The following SLC22A7 variants were observed in gnomAD, a reference collection of about 807,000 sequenced individuals.
SLC22A7 encodes hOAT2.
SLC22A7 carries 48 observed loss-of-function variants against 62.2 expected under a neutral mutation model. That is an observed-to-expected ratio of 0.77 (90% CI 0.61 to 0.98). The LOEUF (loss-of-function observed/expected upper bound fraction) is 0.98, where lower values mean the gene tolerates loss of function less well. Among genes scored for constraint, SLC22A7 ranks in the 50% least tolerant of loss-of-function variants. The pLI, the probability that SLC22A7 is intolerant of heterozygous loss-of-function variation, is 0.00. For synonymous variants in SLC22A7, 276 were observed against 314.8 expected, an observed-to-expected ratio of 0.88 and a Z score of 1.30; for missense variants, 581 against 703.8, an observed-to-expected ratio of 0.83 and a Z score of 1.97.
At chr6:43,296,289 A>G (rs982849913), upstream of SLC22A7, among the ~76,000 whole-genome samples, 12 of 152,236 alleles carry the variant, frequency 7.9e-5, no homozygotes, top group Non-Finnish European at 1.8e-4. Flanking sequence ...GCTATTTCTG[A>G]TATTAAAGCA....
intron 5 of SLC22A7, among the ~76,000 whole-genome samples, chr6:43,300,847 G>A (rs1473730525): frequency 6.6e-6 from 1 of 152,120 alleles, no homozygotes; most frequent in Non-Finnish European, 1.5e-5. Flanking sequence ...ATGATGCCCA[G>A]GCTGATCTTG....
rs1210476227 is a variant in SLC22A7 at position 43,299,199 on chromosome 6, A to G, written c.399+102A>G. The stretch of plus-strand genomic sequence containing the variant: ...TTCCTTGGGAAGAAGCTGAGGCTGC[A>G]GGACTGGGGAGGGACAAAGTTTCCT... On this transcript the variant is annotated intron_variant, in intron 2 of 10. Transcript: ENST00000372585. The surrounding 1 kb of genome is among the most constrained non-coding windows in gnomAD (Gnocchi z 4.4). The G allele has an allele frequency of 1.9e-6, 3 of 1,614,062 alleles. No homozygotes were observed. Among genetic ancestry groups the G allele is most frequent in the Non-Finnish European group, 1.7e-6 (2 of 1,179,964 alleles).
At position 43,299,943 on chromosome 6, in the gene SLC22A7, T is replaced by C; in HGVS notation, c.704T>C (p.Leu235Pro). Residue 235 changes from leucine (L) to proline (P), a missense_variant, in exon 5 of 11, where the codon CTG (leucine) becomes CCG (proline). Leu to Pro is a moderately conservative substitution (Grantham distance 98). Transcript: ENST00000372585. The surrounding 1 kb of genome is among the most constrained non-coding windows in gnomAD (Gnocchi z 4.4). ...DVEHRTVAGV[L>P]SSTFWTGGVM... ...GAGCACCGCACCGTGGCTGGAGTCCTGAGCAGCACCTTCTGGACAGGGGGC... is the reference window on the plus strand; with the variant it reads ...GAGCACCGCACCGTGGCTGGAGTCCCGAGCAGCACCTTCTGGACAGGGGGC... The C allele has an allele frequency of 6.2e-7, 1 of 1,614,176 alleles. No homozygotes were observed. The highest frequency in any genetic ancestry group is 1.3e-5 in the African/African-American group (1 of 75,028).
chr6:43,303,897 C>T (rs767532888), intron 9 of SLC22A7, 141 bp from the exon 10 acceptor site: 7 of 676,066 alleles, frequency 1.0e-5, no homozygotes, highest in East Asian at 3.0e-5. Flanking sequence ...GGAAGACCAA[C>T]TGAAAGAAGT....
rs539249674 is a variant in SLC22A7 at position 43,301,154 on chromosome 6, C to A, written c.847C>A (p.Arg283Ser). Residue 283 changes from arginine to serine, a missense_variant, in exon 6 of 11, where the codon CGC (arginine) becomes AGC (serine). Transcript: ENST00000372585. ...TCCTAGGTGGGTGCCTGAGTCTGCA[C>A]GCTGGCTTCTGACCCAAGGCCATGT... The part of the protein sequence containing the change: ...LSLWWVPESA[R>S]WLLTQGHVKE... 3.7e-5 allele frequency: 60 copies of A among 1,614,148 alleles called. 1 individual carries two copies. The South Asian group carries it at 4.9e-4, about 13-fold the overall frequency.
chr6:43,301,341 AC>A, intron 6 of SLC22A7, 83 bp downstream of exon 6: 1 of 1,578,752 alleles, frequency 6.3e-7, no homozygotes, highest in African/African-American at 1.3e-5. Context: ...CCCAGAGCCC[AC>A]CATATATGGC....
Position 43,301,579 on chromosome 6 carries a change from C to A in SLC22A7, c.952-4C>A, listed in dbSNP as rs756938137. 1 of 1,611,328 alleles carries A rather than the reference C, an allele frequency of 6.2e-7. No homozygotes were observed. The highest frequency in any genetic ancestry group is 1.7e-5 in the Admixed American group (1 of 60,014). On this transcript the variant is annotated splice_region_variant and splice_polypyrimidine_tract_variant and intron_variant, in intron 6 of 10. Coordinates refer to ENST00000372585, the MANE Select transcript of SLC22A7 (RefSeq NM_153320.2). Reference sequence around the variant, plus strand: ...TGTTACAACCTCACCTCCTTCCCTACCAGGCTGTGAGCAAAGTGGCCGCCG... The same window carrying A: ...TGTTACAACCTCACCTCCTTCCCTAACAGGCTGTGAGCAAAGTGGCCGCCG...
chr6:43,303,299 A>G (rs1386127888), intron 9 of SLC22A7: 1 of 259,010 alleles, frequency 3.9e-6, no homozygotes, highest in Non-Finnish European at 6.0e-6. Flanking sequence ...TGTCTCTGCT[A>G]AACATACAAA....
chr6:43,302,585 C>A lies in SLC22A7; in HGVS notation c.1277-70C>A. 7.7e-7 allele frequency: 1 copy of A among 1,295,670 alleles called. No individual in the cohort carries two copies. The highest frequency in any genetic ancestry group is 2.5e-5 in the East Asian group (1 of 39,966). 80.3% of individuals were successfully genotyped at this position (1,295,670 alleles called of 1,614,324 possible). A position where few individuals can be genotyped will look rare whatever the true frequency, so the allele number is the denominator to read the frequency against. ...TAAGTTTGGCCCACTCTGGAGACTC[C>A]GCACCCTATCCAGAACACCCCTGGC... On this transcript the variant is annotated intron_variant, in intron 8 of 10. Coordinates refer to ENST00000372585, the MANE Select transcript of SLC22A7 (RefSeq NM_153320.2). The surrounding 1 kb of genome is among the most constrained non-coding windows in gnomAD (Gnocchi z 5.0).
In SLC22A7 at chr6:43,299,721, A is replaced by G. The variant is rs780297832; in HGVS notation, c.598A>G (p.Ile200Val). 1.1e-5 allele frequency: 18 copies of G among 1,614,050 alleles called. No individual in the cohort carries two copies. The Admixed American group carries it at 2.8e-4, about 25-fold the overall frequency. The change falls in exon 4 of 11, where the codon ATC becomes GTC. Residue 200 changes from isoleucine to valine, a missense_variant. Transcript: ENST00000372585. This position sits in a 1 kb window ranked among gnomAD's most constrained non-coding sequence, Gnocchi z 4.4. ...AASVSYVMFAITRTLTGSALA... is the reference protein window; with the variant it reads ...AASVSYVMFAVTRTLTGSALA... ...CTCCGTCAGCTATGTAATGTTTGCC[A>G]TCACCCGCACCCTTACTGGCTCAGC...
At position 43,305,451 on chromosome 6, in the gene SLC22A7, C is replaced by T. The variant is rs1389754253; in HGVS notation, c.*726C>T. 1 of 326,094 alleles carries T rather than the reference C, an allele frequency of 3.1e-6. No individual in the cohort carries two copies. The allele number at this position is 326,094 out of a possible 1,614,324, so 20.2% of individuals were successfully genotyped here. A position where few individuals can be genotyped will look rare whatever the true frequency, so the allele number is the denominator to read the frequency against. On this transcript the variant is annotated 3_prime_UTR_variant, in exon 11 of 11. Transcript: ENST00000372585. ...CATCCTCCAACCCACTGGTCTCATGCCCAAAGAAGAGTTGAAGGCATGGGA... is the reference window on the plus strand; with the variant it reads ...CATCCTCCAACCCACTGGTCTCATGTCCAAAGAAGAGTTGAAGGCATGGGA...
intron 9 of SLC22A7, among the ~76,000 whole-genome samples, chr6:43,303,574 C>T (rs1384282643): frequency 6.6e-6 from 1 of 152,146 alleles, no homozygotes; most frequent in Non-Finnish European, 1.5e-5. Context: ...GGCAGAGATG[C>T]CCTTGAGGAC....
At position 43,299,470 on chromosome 6, in the gene SLC22A7, G is replaced by A. The variant is rs73630539; in HGVS notation, c.480G>A (p.Val160=). The change falls in exon 3 of 11, where the codon GTG becomes GTA. Residue 160 remains valine, a synonymous_variant. Coordinates refer to ENST00000372585, the MANE Select transcript of SLC22A7 (RefSeq NM_153320.2). This position sits in a 1 kb window ranked among gnomAD's most constrained non-coding sequence, Gnocchi z 4.4. The part of the protein sequence containing the change: ...FFFAGVLVGA[V]AFGYLSDRFG... ...TCGCCGGTGTGCTGGTGGGGGCTGT[G>A]GCCTTTGGATATCTGTCCGACAGGT... 66 of 1,613,274 alleles carry A rather than the reference G, an allele frequency of 4.1e-5. No homozygotes were observed. In the African/African-American group the frequency reaches 7.5e-4, roughly 18 times the overall value.
Position 43,302,187 on chromosome 6 carries a change from A to G in SLC22A7, c.1062-13A>G, listed in dbSNP as rs199742466. The stretch of plus-strand genomic sequence containing the variant: ...AAGGAGGGTCCGCCAAGTGGCACTG[A>G]GACTCCTTTCAGGTTCGGAGTGAAC... On this transcript the variant is annotated splice_polypyrimidine_tract_variant and intron_variant, in intron 7 of 10. Transcript: ENST00000372585. The surrounding 1 kb of genome is among the most constrained non-coding windows in gnomAD (Gnocchi z 5.0). The G allele has an allele frequency of 2.2e-5, 34 of 1,553,122 alleles. No individual in the cohort carries two copies. The highest frequency in any genetic ancestry group is 3.0e-5 in the Non-Finnish European group (34 of 1,143,582).
At chr6:43,300,789 C>T (rs1434416842) in intron 5 of SLC22A7, among the ~76,000 whole-genome samples, 2 of 152,152 alleles carry the variant, frequency 1.3e-5, no homozygotes, top group Non-Finnish European at 2.9e-5. Flanking sequence ...TGCCACCACA[C>T]CCAGCTAATA....
At chr6:43,303,156 C>T (rs1317124046) in intron 9 of SLC22A7, 3 of 985,250 alleles carry the variant, frequency 3.0e-6, no homozygotes, top group African/African-American at 3.5e-5. Flanking sequence ...CCTCTCTGGG[C>T]CTCCTTAAGA....
upstream of SLC22A7, among the ~76,000 whole-genome samples, chr6:43,296,305 G>A (rs908559493): frequency 1.6e-4 from 24 of 152,358 alleles, no homozygotes; most frequent in East Asian, 1.9e-4. Context: ...AAGCAGGAGA[G>A]AAATTCCCAT....
Position 43,298,614 on chromosome 6 carries a change from C to A in SLC22A7, c.256C>A (p.Pro86Thr). 6.2e-7 allele frequency: 1 copy of A among 1,605,702 alleles called. No individual in the cohort carries two copies. Among genetic ancestry groups the A allele is most frequent in the African/African-American group, 1.3e-5 (1 of 74,994 alleles). ...TLSSCLRFAY[P>T]QALPNTTLGE... ...CAGCTCCTGCCTCCGCTTTGCCTATCCCCAGGCTCTCCCCAACACCACGTT... is the reference window on the plus strand; with the variant it reads ...CAGCTCCTGCCTCCGCTTTGCCTATACCCAGGCTCTCCCCAACACCACGTT... The change falls in exon 1 of 11, where the codon CCC becomes ACC. Residue 86 changes from proline (P) to threonine (T), a missense_variant. Physicochemically the swap from Pro to Thr is conservative, Grantham distance 38 (BLOSUM62 -1). Coordinates refer to ENST00000372585, the MANE Select transcript of SLC22A7 (RefSeq NM_153320.2).
In SLC22A7 at chr6:43,301,172, G is replaced by A; in HGVS notation, c.865G>A (p.Gly289Ser). Residue 289 changes from glycine to serine, a missense_variant, in exon 6 of 11, where the codon GGC (glycine) becomes AGC (serine). Transcript: ENST00000372585. ...GTCTGCACGCTGGCTTCTGACCCAAGGCCATGTGAAAGAGGCCCACAGGTA... is the reference window on the plus strand; with the variant it reads ...GTCTGCACGCTGGCTTCTGACCCAAAGCCATGTGAAAGAGGCCCACAGGTA... ...PESARWLLTQ[G>S]HVKEAHRYLL... 1 of 1,614,224 alleles carries A rather than the reference G, an allele frequency of 6.2e-7. No individual in the cohort carries two copies. Among genetic ancestry groups the A allele is most frequent in the South Asian group, 1.1e-5 (1 of 91,078 alleles).
Sources: allele counts gnomAD v4.1 joint callset (sites outside exome capture counted in the v4.1 genomes callset), GRCh38; gene constraint gnomAD v4.1.1; non-coding constraint Gnocchi (gnomAD v3.1); transcripts MANE v1.5; gene names NCBI Gene and HGNC (gene_info 2026-07-23, HGNC 2026-07-21).